Variants in KRT71 observed in about 807,000 individuals in gnomAD.
KRT71 encodes the protein keratin 71, also known as keratin, type II cytoskeletal 71.
In KRT71, 42 loss-of-function variants were observed where a neutral mutation model predicts 46.2. The ratio of observed to expected loss-of-function variants is 0.91; its 90% CI spans 0.71 to 1.18. KRT71 has a LOEUF of 1.18. Ranked by LOEUF, KRT71 falls within the 50% of genes most tolerant of loss-of-function variation. KRT71 has a pLI of 0.00. For missense variants in KRT71, 708 were observed against 677.9 expected, an observed-to-expected ratio of 1.04 and a Z score of -0.49; for synonymous variants, 292 against 277.8, an observed-to-expected ratio of 1.05 and a Z score of -0.51.
Position 52,549,787 on chromosome 12 carries a change from C to G in KRT71, c.656+242G>C, listed in dbSNP as rs73318364. On this transcript the variant is annotated intron_variant, in intron 2 of 8. Transcript: ENST00000267119. Reference sequence around the variant, plus strand: ...TGGTTTCCCCAAACATTCCCTAAACCCAGAGCCAGAGATAACCCTCTGCCC... The same window carrying G: ...TGGTTTCCCCAAACATTCCCTAAACGCAGAGCCAGAGATAACCCTCTGCCC... Among the ~76,000 whole-genome samples, 1,404 of 152,280 alleles carry G rather than the reference C, an allele frequency of 9.2e-3. 27 individuals are homozygous for G. Among genetic ancestry groups the G allele is most frequent in the African/African-American group, 0.032 (1,340 of 41,538 alleles).
intron 3 of KRT71, 44 bp downstream of exon 3, chr12:52,549,249 G>A (rs1939117398): frequency 6.6e-7 from 1 of 1,510,226 alleles, no homozygotes; most frequent in South Asian, 1.1e-5. Context: ...GTTCCTCCAG[G>A]TCCCAGGCCA....
Position 52,552,695 on chromosome 12 carries a change from G to A in KRT71, c.383C>T (p.Ala128Val). 1 of 1,613,936 alleles carries A rather than the reference G, an allele frequency of 6.2e-7. No individual in the cohort carries two copies. Residue 128 changes from alanine (A) to valine (V), a missense_variant, in exon 1 of 9, where the codon GCC becomes GTC. Physicochemically the swap from Ala to Val is moderately conservative, Grantham distance 64. Coordinates refer to ENST00000267119, the MANE Select transcript of KRT71 (RefSeq NM_033448.3). ...ELDPEIQKVR[A>V]QEREQIKALN... Reference sequence around the variant, plus strand: ...AGCCTTGATCTGCTCTCGCTCCTGGGCACGCACTTTCTGGATCTCGGGGTC... The same window carrying A: ...AGCCTTGATCTGCTCTCGCTCCTGGACACGCACTTTCTGGATCTCGGGGTC...
chr12:52,545,229 A>C (rs1281300676), intron 8 of KRT71, among the ~76,000 whole-genome samples: 3 of 152,164 alleles, frequency 2.0e-5, no homozygotes, highest in South Asian at 4.1e-4. Context: ...TCCCAAGCCC[A>C]AGTCTGGTTG....
Position 52,544,594 on chromosome 12 carries a change from A to G in KRT71, c.1510T>C (p.Tyr504His), listed in dbSNP as rs752878093. The change falls in exon 9 of 9, where the codon TAC becomes CAC. Residue 504 changes from tyrosine (Y) to histidine (H), a missense_variant. Physicochemically the swap from Tyr to His is moderately conservative, Grantham distance 83. Transcript: ENST00000267119. ...GAACCCTTCCCTAGGGTGTCTTTGT[A>G]ATCGTTGGCACTGCCCCGGCTCCTG... ...EGRSRGSANDYKDTLGKGSSL... is the reference protein window; with the variant it reads ...EGRSRGSANDHKDTLGKGSSL... 6.2e-7 allele frequency: 1 copy of G among 1,614,076 alleles called. No individual in the cohort carries two copies. The highest frequency in any genetic ancestry group is 1.7e-5 in the Admixed American group (1 of 60,030).
At position 52,549,281 on chromosome 12, in the gene KRT71, C is replaced by T. The variant is rs1260786696; in HGVS notation, c.717+12G>A. 5.6e-6 allele frequency: 9 copies of T among 1,610,764 alleles called. No individual in the cohort carries two copies. Among genetic ancestry groups the T allele is most frequent in the Non-Finnish European group, 7.6e-6 (9 of 1,177,282 alleles). The stretch of plus-strand genomic sequence containing the variant: ...GCCAGCCCCCGGGACTCAGGGCCTG[C>T]CTTCCCCTCACCTTCTTGAGCAGCA... On this transcript the variant is annotated intron_variant, in intron 3 of 8. Transcript: ENST00000267119.
rs370058724 is a variant in KRT71 at position 52,550,104 on chromosome 12, G to A, written c.581C>T (p.Thr194Met). 65 of 1,613,982 alleles carry A rather than the reference G, an allele frequency of 4.0e-5. No individual in the cohort carries two copies. Among genetic ancestry groups the A allele is most frequent in the Middle Eastern group, 1.6e-4 (1 of 6,084 alleles). The part of the protein sequence containing the change: ...YISNLRKQLE[T>M]LSGDRVRLDS... ...CAGCCTCACCCTGTCCCCAGACAGC[G>A]TCTCCAGCTGCTTCCGCAGGTTGCT... Residue 194 changes from threonine (T) to methionine (M), a missense_variant, in exon 2 of 9, where the codon ACG becomes ATG. By Grantham distance (81) the Thr-to-Met change is moderately conservative. Coordinates refer to ENST00000267119, the MANE Select transcript of KRT71 (RefSeq NM_033448.3).
chr12:52,551,476 G>T (rs1939168046), intron 1 of KRT71, among the ~76,000 whole-genome samples: 1 of 152,194 alleles, frequency 6.6e-6, no homozygotes, highest in African/African-American at 2.4e-5. Context: ...ATATGAAAAG[G>T]CTTAGAAGAA....
chr12:52,546,530 G>A (rs774709899), intron 6 of KRT71, 24 bp from the exon 7 acceptor site: 10 of 1,604,596 alleles, frequency 6.2e-6, no homozygotes, highest in Admixed American at 3.4e-5. Flanking sequence ...TGGTGAAGTC[G>A]AAAAATTTGG....
chr12:52,546,249 C>T (rs1286598815), intron 7 of KRT71, 37 bp downstream of exon 7: 9 of 1,610,840 alleles, frequency 5.6e-6, no homozygotes, highest in Middle Eastern at 3.3e-4. Flanking sequence ...TCTTCCCAAA[C>T]CCCTGGGGCC....
intron 3 of KRT71, 138 bp from the exon 4 acceptor site, chr12:52,548,934 A>G: frequency 1.3e-6 from 1 of 758,226 alleles, no homozygotes; most frequent in Non-Finnish European, 2.2e-6. Flanking sequence ...ACAAAGGAGC[A>G]AAGGCCCAGC....
chr12:52,545,516 T>C (rs1939043143), intron 8 of KRT71, 49 bp downstream of exon 8: 2 of 1,222,700 alleles, frequency 1.6e-6, no homozygotes, highest in Admixed American at 1.8e-5. Flanking sequence ...TAAGGTCCTT[T>C]CCAGGCTGCA....
Position 52,544,647 on chromosome 12 carries a change from CCA to C in KRT71, c.1455_1456del (p.Gly486SerfsTer175). The C allele has an allele frequency of 6.2e-7, 1 of 1,614,114 alleles. No homozygotes were observed. The highest frequency in any genetic ancestry group is 8.5e-7 in the Non-Finnish European group (1 of 1,180,028). ...CTCCCCGCCTCTCACGCTGCACACT[CCA>C]GAGATGCAGTTGCTGCTGTTGGCCA... On this transcript the variant is annotated frameshift_variant, in exon 9 of 9. Coordinates refer to ENST00000267119, the MANE Select transcript of KRT71 (RefSeq NM_033448.3). LOFTEE classifies it low-confidence loss of function (END_TRUNC).
chr12:52,547,389 C>T (rs1402968067), intron 6 of KRT71, among the ~76,000 whole-genome samples: 22 of 152,186 alleles, frequency 1.4e-4, no homozygotes, highest in Admixed American at 1.4e-3. Context: ...TAACAATGCA[C>T]CTTAATGGGT....
chr12:52,548,444 G>A (rs1194205967), intron 4 of KRT71, 128 bp from the exon 5 acceptor site: 2 of 1,139,540 alleles, frequency 1.8e-6, no homozygotes, highest in Non-Finnish European at 2.5e-6. Context: ...CTGCCATCCA[G>A]GGCTGTGTGC....
chr12:52,549,419 G>T (rs571115696), intron 2 of KRT71, 66 bp from the exon 3 acceptor site: 1 of 1,305,164 alleles, frequency 7.7e-7, no homozygotes, highest in Non-Finnish European at 1.1e-6. Flanking sequence ...ACAGGGCAGC[G>T]TTGAGCAAGG....
At position 52,550,172 on chromosome 12, in the gene KRT71, G is replaced by C. The variant is rs572879165; in HGVS notation, c.513C>G (p.Asn171Lys). Residue 171 changes from asparagine to lysine, a missense_variant, in exon 2 of 9, where the codon AAC (asparagine) becomes AAG (lysine). Coordinates refer to ENST00000267119, the MANE Select transcript of KRT71 (RefSeq NM_033448.3). The stretch of plus-strand genomic sequence containing the variant: ...TGGGCTCCAGGTTGTTCTTGCAGTT[G>C]TTCAGGTCCAGCTGCTGCAGCAGCT... ...KWELLQQLDLNNCKNNLEPIL... is the reference protein window; with the variant it reads ...KWELLQQLDLKNCKNNLEPIL... The C allele has an allele frequency of 6.2e-7, 1 of 1,614,190 alleles. No homozygotes were observed. Among genetic ancestry groups the C allele is most frequent in the East Asian group, 2.2e-5 (1 of 44,880 alleles).
chr12:52,544,559 A>G lies in KRT71; in HGVS notation c.1545T>C (p.Ser515=), dbSNP rs759208489. The G allele has an allele frequency of 3.1e-6, 5 of 1,614,048 alleles. No homozygotes were observed. The highest frequency in any genetic ancestry group is 4.2e-6 in the Non-Finnish European group (5 of 1,179,974). ...KDTLGKGSSL[S]APSKKTSR ...ACCGACTGGTTTTCTTGGAGGGTGC[A>G]CTCAGGCTGGAACCCTTCCCTAGGG... The change falls in exon 9 of 9, where the codon AGT becomes AGC. Residue 515 remains serine, a synonymous_variant. Coordinates refer to ENST00000267119, the MANE Select transcript of KRT71 (RefSeq NM_033448.3).
chr12:52,548,911 CT>C, intron 3 of KRT71, 115 bp from the exon 4 acceptor site: 1 of 899,910 alleles, frequency 1.1e-6, no homozygotes, highest in Admixed American at 2.0e-5. Flanking sequence ...TTCACTTTGC[CT>C]TGGGAAAGGA....
At position 52,547,899 on chromosome 12, in the gene KRT71, G is replaced by A; in HGVS notation, c.1062C>T (p.Leu354=). ...TKNEISELTR[L]IQRIRSEIEN... ...CGATCTCTGAGCGGATTCTCTGGAT[G>A]AGCCGAGTGAGCTCCGAGATTTCAT... Residue 354 remains leucine (L), a synonymous_variant, in exon 6 of 9, where the codon CTC becomes CTT. Transcript: ENST00000267119. The A allele has an allele frequency of 6.2e-7, 1 of 1,614,188 alleles. No homozygotes were observed. Among genetic ancestry groups the A allele is most frequent in the Non-Finnish European group, 8.5e-7 (1 of 1,180,040 alleles).
Sources: allele counts gnomAD v4.1 joint callset (sites outside exome capture counted in the v4.1 genomes callset), GRCh38; gene constraint gnomAD v4.1.1; transcripts MANE v1.5; gene names NCBI Gene and HGNC (gene_info 2026-07-23, HGNC 2026-07-21).